Variants in GGA3 observed in about 807,000 individuals in gnomAD.
The protein encoded by GGA3 is ADP-ribosylation factor-binding protein GGA3.
GGA3 carries 57 observed loss-of-function variants against 77.5 expected under a neutral mutation model. The observed-to-expected ratio is 0.74, with a 90% CI of 0.59 to 0.92. The LOEUF (loss-of-function observed/expected upper bound fraction) is 0.92, where lower values mean the gene tolerates loss of function less well. Ranked by LOEUF, GGA3 falls within the 40% of genes least tolerant of loss-of-function variation. The pLI is 0.00. For missense variants in GGA3, 970 were observed against 914.9 expected (o/e 1.06, Z -0.78); for synonymous variants, 416 against 383.7 (o/e 1.08, Z -0.98).
In GGA3 at chr17:75,238,766, A is replaced by G. The variant is rs1012938182; in HGVS notation, c.1951-4T>C. ...GCTGCAACTTCACTTTCATTGACTA[A>G]AGAGAGAGAAACTCCTTTGAAGAGA... On this transcript the variant is annotated splice_region_variant and splice_polypyrimidine_tract_variant and intron_variant, in intron 15 of 16. Transcript: ENST00000537686. 4 of 1,609,510 alleles carry G rather than the reference A, an allele frequency of 2.5e-6. No homozygotes were observed. Among genetic ancestry groups the G allele is most frequent in the Admixed American group, 1.7e-5 (1 of 59,628 alleles).
At position 75,240,919 on chromosome 17, in the gene GGA3, G is replaced by A; in HGVS notation, c.1085C>T (p.Ala362Val). ...GGAGCGGCTCCGTGGAGGTCCTGAG[G>A]CCTGGGGTGGTGGAGGGAGGATTGG... ...GIPILPPPPQ[A>V]SGPPRSRSSS... is the part of the protein sequence containing the mutation. The change falls in exon 11 of 17, where the codon GCC becomes GTC. Residue 362 changes from alanine to valine, a missense_variant. Coordinates refer to ENST00000537686, the MANE Select transcript of GGA3 (RefSeq NM_138619.4). 2 of 1,613,928 alleles carry A rather than the reference G, an allele frequency of 1.2e-6. No homozygotes were observed. The highest frequency in any genetic ancestry group is 1.7e-6 in the Non-Finnish European group (2 of 1,179,924).
Position 75,237,319 on chromosome 17 carries a change from T to G in GGA3, c.*960A>C. On this transcript the variant is annotated 3_prime_UTR_variant, in exon 17 of 17. Transcript: ENST00000537686. ...TTAGGACATATGTCTAGTGTAACATTTGTGATCCTGAGGCCTCCTGTGTCC... is the reference window on the plus strand; with the variant it reads ...TTAGGACATATGTCTAGTGTAACATGTGTGATCCTGAGGCCTCCTGTGTCC... The G allele has an allele frequency of 1.5e-6, 1 of 671,106 alleles. No homozygotes were observed. The allele number at this position is 671,106 out of a possible 1,614,324, so 41.6% of individuals were successfully genotyped here. A position where few individuals can be genotyped will look rare whatever the true frequency, so the allele number is the denominator to read the frequency against.
chr17:75,244,517 G>C lies in GGA3; in HGVS notation c.300+102C>G, dbSNP rs1323412014. 5.1e-6 allele frequency: 4 copies of C among 786,974 alleles called. No individual in the cohort carries two copies. The South Asian group carries it at 5.8e-5, about 11-fold the overall frequency. 48.7% of individuals were successfully genotyped at this position (786,974 alleles called of 1,614,324 possible). On this transcript the variant is annotated intron_variant, in intron 4 of 16. Coordinates refer to ENST00000537686, the MANE Select transcript of GGA3 (RefSeq NM_138619.4). ...TAAGGACAAGACACAAATAATCTCA[G>C]CTCCCTGGAGATGTTGGATGGGCAG...
At chr17:75,253,657 C>A (rs1052247354) in intron 1 of GGA3, among the ~76,000 whole-genome samples, 2 of 152,220 alleles carry the variant, frequency 1.3e-5, no homozygotes, top group Admixed American at 6.5e-5. Flanking sequence ...AACCCCCAAT[C>A]CCTTATTTCC....
intron 15 of GGA3, 28 bp downstream of exon 15, chr17:75,238,886 C>T (rs566127042): frequency 1.8e-5 from 29 of 1,610,846 alleles, no homozygotes; most frequent in East Asian, 2.2e-5. Context: ...AAGATAAGGC[C>T]GTTTTGGCCC....
chr17:75,250,985 G>A lies in GGA3; in HGVS notation c.41-4189C>T, dbSNP rs1357909806. 2.6e-5 allele frequency among the ~76,000 whole-genome samples: 4 copies of A among 151,706 alleles called. No homozygotes were observed. In the Middle Eastern group the frequency reaches 0.01, roughly 395 times the overall value. On this transcript the variant is annotated intron_variant, in intron 1 of 16. Transcript: ENST00000537686. ...GATCCCAGCTACTCAGGAGGCTAAG[G>A]CAGGAGAACCACTTGAACCCAGGAG...
At chr17:75,245,743 T>C (rs1269345287) in intron 3 of GGA3, among the ~76,000 whole-genome samples, 1 of 152,138 alleles carries the variant, frequency 6.6e-6, no homozygotes, top group East Asian at 1.9e-4. Flanking sequence ...TAGGCTGGTC[T>C]TGAATTCCCT....
intron 1 of GGA3, among the ~76,000 whole-genome samples, chr17:75,258,498 C>T (rs2077232329): frequency 6.6e-6 from 1 of 152,056 alleles, no homozygotes; most frequent in African/African-American, 2.4e-5. Flanking sequence ...GGTGAAACCC[C>T]ATCTCTACTA....
intron 1 of GGA3, among the ~76,000 whole-genome samples, chr17:75,257,422 A>G (rs1216887489): frequency 2.0e-5 from 3 of 152,088 alleles, no homozygotes; most frequent in African/African-American, 7.2e-5. Flanking sequence ...ATCACAGGTG[A>G]TATCTCCTCG....
rs763893179 is a variant in GGA3, at chr17:75,237,308, T to TA, written c.*970dup. The TA allele has an allele frequency of 1.6e-4, 107 of 651,622 alleles. No homozygotes were observed. Among genetic ancestry groups the TA allele is most frequent in the Non-Finnish European group, 2.6e-4 (94 of 364,838 alleles). The allele number at this position is 651,622 out of a possible 1,614,324, so 40.4% of individuals were successfully genotyped here. On this transcript the variant is annotated 3_prime_UTR_variant, in exon 17 of 17. Transcript: ENST00000537686. Reference sequence around the variant, plus strand: ...TGGGCAGCACATTAGGACATATGTCTAGTGTAACATTTGTGATCCTGAGGC... The same window carrying TA: ...TGGGCAGCACATTAGGACATATGTCTAAGTGTAACATTTGTGATCCTGAGGC...
chr17:75,254,479 A>C (rs1207277545), intron 1 of GGA3, among the ~76,000 whole-genome samples: 2 of 152,162 alleles, frequency 1.3e-5, no homozygotes, highest in Non-Finnish European at 2.9e-5. Flanking sequence ...CAAATATAAA[A>C]ATCCAGCCCA....
upstream of GGA3, chr17:75,261,757 G>C (rs1434660543): frequency 4.4e-6 from 5 of 1,142,796 alleles, no homozygotes; most frequent in Non-Finnish European, 4.9e-6. Flanking sequence ...CTCCCCTTTG[G>C]ACCCCGGAGT....
chr17:75,244,096 T>A (rs2076670907), intron 4 of GGA3, among the ~76,000 whole-genome samples: 1 of 152,124 alleles, frequency 6.6e-6, no homozygotes, highest in Admixed American at 6.6e-5. Context: ...CTGAGGAAAG[T>A]GCATTTTCAC....
intron 8 of GGA3, chr17:75,241,915 CA>C (rs2076573751): frequency 3.4e-6 from 2 of 589,618 alleles, no homozygotes; most frequent in Non-Finnish European, 3.0e-6. Flanking sequence ...CAGGATGGGT[CA>C]GGGGAAGTCA....
At chr17:75,262,006 CGG>C (rs869201918), upstream of GGA3, 23 of 461,354 alleles carry the variant, frequency 5.0e-5, no homozygotes, top group South Asian at 2.0e-4. Flanking sequence ...CGAGCAGCGG[CGG>C]GGGGGCGCTG....
At position 75,246,764 on chromosome 17, in the gene GGA3, C is replaced by T; in HGVS notation, c.73G>A (p.Asp25Asn). The T allele has an allele frequency of 6.2e-7, 1 of 1,613,700 alleles. No homozygotes were observed. Among genetic ancestry groups the T allele is most frequent in the Non-Finnish European group, 8.5e-7 (1 of 1,179,970 alleles). ...KATNPSNRQEDWEYIIGFCDQ... is the reference protein window; with the variant it reads ...KATNPSNRQENWEYIIGFCDQ... ...CAGAAGCCAATTATGTATTCCCAGT[C>T]CTCCTGGCGGTTGGAAGGATTGGTG... The change falls in exon 2 of 17, where the codon GAC (aspartate) becomes AAC (asparagine). Residue 25 changes from aspartate (D) to asparagine (N), a missense_variant. Coordinates refer to ENST00000537686, the MANE Select transcript of GGA3 (RefSeq NM_138619.4).
intron 1 of GGA3, among the ~76,000 whole-genome samples, chr17:75,254,916 C>T (rs1447461165): frequency 6.6e-6 from 1 of 152,114 alleles, no homozygotes. Context: ...TAAGCGAGTC[C>T]CATCTGTGTG....
intron 1 of GGA3, among the ~76,000 whole-genome samples, chr17:75,256,119 T>G (rs116717653): frequency 6.6e-6 from 1 of 152,132 alleles, no homozygotes; most frequent in African/African-American, 2.4e-5. Context: ...ATGGTTAGTG[T>G]GTCAGAATTC....
rs891246150 is a variant in GGA3 at position 75,238,159 on chromosome 17, T to C, written c.*120A>G. On this transcript the variant is annotated 3_prime_UTR_variant, in exon 17 of 17. Coordinates refer to ENST00000537686, the MANE Select transcript of GGA3 (RefSeq NM_138619.4). ...TCTCAGCAGAAATGCCCAGGGCCCC[T>C]GTTCCACATCAAAGCTACAAGCACT... is the stretch of plus-strand genomic sequence containing the variant. 1 of 1,486,092 alleles carries C rather than the reference T, an allele frequency of 6.7e-7. No individual in the cohort carries two copies. Among genetic ancestry groups the C allele is most frequent in the Non-Finnish European group, 8.9e-7 (1 of 1,120,500 alleles). 92.1% of individuals were successfully genotyped at this position (1,486,092 alleles called of 1,614,324 possible).
Sources: gnomAD v4.1 joint callset for allele counts (sites outside exome capture counted in the v4.1 genomes callset) on GRCh38, gnomAD v4.1.1 for gene constraint, MANE v1.5 for transcripts, NCBI Gene and HGNC (gene_info 2026-07-23, HGNC 2026-07-21) for gene names.